The following SLC17A5 variants were observed in gnomAD, a reference collection of about 807,000 sequenced individuals.
SLC17A5 encodes the protein solute carrier family 17 member 5, also known as sialin.
SLC17A5 carries 47 observed loss-of-function variants against 59.4 expected under a neutral mutation model. The observed-to-expected ratio is 0.79, with a 90% CI of 0.63 to 1.01. The LOEUF (loss-of-function observed/expected upper bound fraction) is 1.01. SLC17A5 is among the 50% of genes least tolerant of loss of function. SLC17A5 has a pLI of 0.00. For missense variants in SLC17A5, 522 were observed against 595.5 expected, an observed-to-expected ratio of 0.88 and a Z score of 1.28; for synonymous variants, 202 against 210.7, an observed-to-expected ratio of 0.96 and a Z score of 0.36.
chr6:73,626,668 T>G (rs1768434393), intron 6 of SLC17A5, among the ~76,000 whole-genome samples: 1 of 152,222 alleles, frequency 6.6e-6, no homozygotes, highest in African/African-American at 2.4e-5. Context: ...GGGTAACCAG[T>G]AGTTACATGT....
chr6:73,648,219 G>A (rs1280350789), intron 1 of SLC17A5, among the ~76,000 whole-genome samples: 1 of 152,190 alleles, frequency 6.6e-6, no homozygotes, highest in Non-Finnish European at 1.5e-5. Flanking sequence ...TTTCAAGAAG[G>A]TATAGCAGTA....
chr6:73,648,189 A>G (rs1312897947), intron 1 of SLC17A5, among the ~76,000 whole-genome samples: 1 of 152,266 alleles, frequency 6.6e-6, no homozygotes, highest in Non-Finnish European at 1.5e-5. Flanking sequence ...TTACAAATAT[A>G]TTCAATCAGA....
At position 73,610,038 on chromosome 6, in the gene SLC17A5, GT is replaced by G. The variant is rs755622577; in HGVS notation, c.1259+361del. Among the ~76,000 whole-genome samples the G allele has an allele frequency of 1.3e-3, 184 of 144,704 alleles. No homozygotes were observed. In the Middle Eastern group the frequency reaches 0.018, roughly 14 times the overall value. 94.9% of individuals were successfully genotyped at this position (144,704 alleles called of 152,430 possible). On this transcript the variant is annotated intron_variant, in intron 9 of 10. Transcript: ENST00000355773. Reference sequence around the variant, plus strand: ...TTTTATATCATATCTATTTTATCAGGTTTTTTTTTTTTTAGATGGAGTCTTG... The same window carrying G: ...TTTTATATCATATCTATTTTATCAGGTTTTTTTTTTTTAGATGGAGTCTTG...
intron 9 of SLC17A5, among the ~76,000 whole-genome samples, chr6:73,603,750 G>C (rs957262675): frequency 6.6e-6 from 1 of 152,034 alleles, no homozygotes; most frequent in African/African-American, 2.4e-5. Context: ...TAGGATGTTT[G>C]TCCTGTATAT....
At chr6:73,605,738 G>A (rs761048999) in intron 9 of SLC17A5, among the ~76,000 whole-genome samples, 116 of 152,160 alleles carry the variant, frequency 7.6e-4, no homozygotes, top group South Asian at 2.9e-3. Context: ...AGCACTTTGG[G>A]AGGTTGAGGC....
chr6:73,618,747 C>T lies in SLC17A5; in HGVS notation c.978+3057G>A, dbSNP rs971448719. 7 of 209,366 alleles carry T rather than the reference C, an allele frequency of 3.3e-5. No homozygotes were observed. In the East Asian group the frequency reaches 4.2e-4, roughly 13 times the overall value. The allele number at this position is 209,366 out of a possible 1,614,324, so 13.0% of individuals were successfully genotyped here. The stretch of plus-strand genomic sequence containing the variant: ...TATTTATTTTGTTTTTCTGTACAGA[C>T]GGAGTCTTGCTCTGTCACCCAGGCT... On this transcript the variant is annotated intron_variant, in intron 7 of 10. Coordinates refer to ENST00000355773, the MANE Select transcript of SLC17A5 (RefSeq NM_012434.5).
At chr6:73,603,113 A>C (rs1767225964) in intron 9 of SLC17A5, among the ~76,000 whole-genome samples, 1 of 152,130 alleles carries the variant, frequency 6.6e-6, no homozygotes, top group South Asian at 2.1e-4. Context: ...ATCATATCAA[A>C]CATAAAATTT....
At chr6:73,623,878 T>C (rs937353266) in intron 6 of SLC17A5, among the ~76,000 whole-genome samples, 1 of 150,710 alleles carries the variant, frequency 6.6e-6, no homozygotes, top group African/African-American at 2.4e-5. Context: ...TTTGTATTTT[T>C]AGTAGAGACA....
Position 73,594,767 on chromosome 6 carries a change from G to T in SLC17A5, c.*310C>A. The T allele has an allele frequency of 2.7e-6, 1 of 375,038 alleles. No homozygotes were observed. Among genetic ancestry groups the T allele is most frequent in the Non-Finnish European group, 5.0e-6 (1 of 200,770 alleles). 23.2% of individuals were successfully genotyped at this position (375,038 alleles called of 1,614,324 possible). ...TTTAATTAAGCAAAGGTATCAGGAG[G>T]TCTGTTTCAGCTCATTCCCTTTAGT... is the stretch of plus-strand genomic sequence containing the variant. On this transcript the variant is annotated 3_prime_UTR_variant, in exon 11 of 11. Coordinates refer to ENST00000355773, the MANE Select transcript of SLC17A5 (RefSeq NM_012434.5).
intron 9 of SLC17A5, among the ~76,000 whole-genome samples, chr6:73,603,090 T>C (rs1306754688): frequency 2.0e-5 from 3 of 152,216 alleles, no homozygotes; most frequent in Non-Finnish European, 4.4e-5. Context: ...TAGTATGTTA[T>C]TATAGACGTG....
At chr6:73,638,645 G>A in intron 3 of SLC17A5, 146 bp from the exon 4 acceptor site, 1 of 708,974 alleles carries the variant, frequency 1.4e-6, no homozygotes, top group Admixed American at 2.2e-5. Context: ...TTTTTACAGT[G>A]TTAAGTGAAA....
chr6:73,620,332 ATTAT>A (rs4032318), intron 7 of SLC17A5, among the ~76,000 whole-genome samples: 24,517 of 152,022 alleles, frequency 0.16, 3,000 homozygotes, highest in African/African-American at 0.34. Flanking sequence ...GTAGTAGTAT[ATTAT>A]TTATTTCTTT....
chr6:73,605,978 AAAAAC>A (rs1270485044), intron 9 of SLC17A5, among the ~76,000 whole-genome samples: 2 of 152,150 alleles, frequency 1.3e-5, no homozygotes, highest in Non-Finnish European at 2.9e-5. Context: ...ACTCCATCTC[AAAAAC>A]AAAACAAAAC....
At chr6:73,634,115 G>T (rs1156454516) in intron 6 of SLC17A5, among the ~76,000 whole-genome samples, 2 of 151,964 alleles carry the variant, frequency 1.3e-5, no homozygotes, top group African/African-American at 4.8e-5. Flanking sequence ...AATTATTATA[G>T]ATTTTTATTT....
intron 9 of SLC17A5, among the ~76,000 whole-genome samples, chr6:73,606,099 G>C (rs1561986564): frequency 6.6e-6 from 1 of 151,992 alleles, no homozygotes; most frequent in Non-Finnish European, 1.5e-5. Flanking sequence ...CTGGAGTGCA[G>C]TAGCACAATC....
At chr6:73,628,022 T>C (rs1224912892) in intron 6 of SLC17A5, among the ~76,000 whole-genome samples, 1 of 151,512 alleles carries the variant, frequency 6.6e-6, no homozygotes, top group Non-Finnish European at 1.5e-5. Context: ...TGGGCTCTAG[T>C]GATCCTCTCA....
intron 10 of SLC17A5, among the ~76,000 whole-genome samples, chr6:73,599,117 G>A (rs1766947165): frequency 6.6e-6 from 1 of 152,194 alleles, no homozygotes; most frequent in African/African-American, 2.4e-5. Flanking sequence ...GGGAGGCAGA[G>A]GTTGCAGTGA....
At chr6:73,620,503 A>C (rs933373373) in intron 7 of SLC17A5, among the ~76,000 whole-genome samples, 1 of 152,158 alleles carries the variant, frequency 6.6e-6, no homozygotes, top group Admixed American at 6.6e-5. Flanking sequence ...CTGTCAGTGC[A>C]ATTTGTGGAA....
At chr6:73,631,915 A>G (rs1768734961) in intron 6 of SLC17A5, among the ~76,000 whole-genome samples, 1 of 151,256 alleles carries the variant, frequency 6.6e-6, no homozygotes, top group Admixed American at 6.6e-5. Flanking sequence ...ATGAATGAGT[A>G]GATGCTGCAC....
Sources: gnomAD v4.1 joint callset for allele counts (sites outside exome capture counted in the v4.1 genomes callset) on GRCh38, gnomAD v4.1.1 for gene constraint, MANE v1.5 for transcripts, NCBI Gene and HGNC (gene_info 2026-07-23, HGNC 2026-07-21) for gene names.